Variants in AGTPBP1 observed in about 807,000 individuals in gnomAD.
AGTPBP1 encodes ATP/GTP binding carboxypeptidase 1.
In AGTPBP1, 70 loss-of-function variants were observed where a neutral mutation model predicts 143.9. The observed-to-expected ratio is 0.49, with a 90% confidence interval of 0.40 to 0.59. The LOEUF is 0.59. AGTPBP1 is among the 20% of genes least tolerant of loss of function. AGTPBP1 has a pLI of 0.00. For synonymous variants in AGTPBP1, 463 were observed against 500.2 expected (o/e 0.93, Z 0.99); for missense variants, 1,229 against 1,464.5 (o/e 0.84, Z 2.62).
chr9:85,789,055 A>AAT, the AGTPBP1 span, among the ~76,000 whole-genome samples: 1 of 151,836 alleles, frequency 6.6e-6, no homozygotes, highest in Non-Finnish European at 1.5e-5. Flanking sequence ...CTCACTAATA[A>AAT]AGCAAGAAAA....
chr9:85,636,304 C>T (rs1202859055), intron 13 of AGTPBP1, among the ~76,000 whole-genome samples: 1 of 146,004 alleles, frequency 6.8e-6, no homozygotes, highest in Non-Finnish European at 1.5e-5. Context: ...GCTCTGTCTC[C>T]AGGCTGGAGT....
At chr9:85,762,765 TTA>T in the AGTPBP1 span, among the ~76,000 whole-genome samples, 246 of 146,516 alleles carry the variant, frequency 1.7e-3, no homozygotes, top group African/African-American at 5.2e-3. Flanking sequence ...GAACTTAAAG[TTA>T]TATATATATA....
intron 1 of AGTPBP1, among the ~76,000 whole-genome samples, chr9:85,727,463 C>T (rs980560293): frequency 1.6e-4 from 25 of 152,290 alleles, no homozygotes; most frequent in African/African-American, 5.5e-4. Context: ...TATATAAAAA[C>T]CTGCTCATTC....
At chr9:85,800,758 T>C in the AGTPBP1 span, among the ~76,000 whole-genome samples, 1 of 151,856 alleles carries the variant, frequency 6.6e-6, no homozygotes, top group African/African-American at 2.4e-5. Flanking sequence ...GATAATAGAA[T>C]AACCATACCT....
At chr9:85,702,978 A>G (rs1190792181) in intron 2 of AGTPBP1, among the ~76,000 whole-genome samples, 2 of 152,176 alleles carry the variant, frequency 1.3e-5, no homozygotes, top group Non-Finnish European at 2.9e-5. Context: ...CTGTTGCAAA[A>G]CAATTTAGGG....
chr9:85,784,485 G>T, the AGTPBP1 span, among the ~76,000 whole-genome samples: 1 of 152,010 alleles, frequency 6.6e-6, no homozygotes, highest in African/African-American at 2.4e-5. Context: ...ATGGCTCACT[G>T]CAGCCTCAAA....
intron 14 of AGTPBP1, among the ~76,000 whole-genome samples, chr9:85,622,844 T>C (rs1416863306): frequency 6.6e-6 from 1 of 152,200 alleles, no homozygotes; most frequent in Non-Finnish European, 1.5e-5. Context: ...ACTCAAAATA[T>C]ACCACATCAA....
chr9:85,712,190 A>G (rs1438699789), intron 2 of AGTPBP1, among the ~76,000 whole-genome samples: 1 of 152,000 alleles, frequency 6.6e-6, no homozygotes, highest in African/African-American at 2.4e-5. Context: ...ACTTGAACCC[A>G]GAGGCAGAGG....
At chr9:85,805,045 G>A in the AGTPBP1 span, among the ~76,000 whole-genome samples, 1 of 152,304 alleles carries the variant, frequency 6.6e-6, no homozygotes, top group East Asian at 1.9e-4. Context: ...ACCCGCTTGA[G>A]GAGAGCCCTT....
the AGTPBP1 span, among the ~76,000 whole-genome samples, chr9:85,777,600 G>T: frequency 6.6e-6 from 1 of 152,190 alleles, no homozygotes; most frequent in Non-Finnish European, 1.5e-5. Flanking sequence ...ATATCCACTT[G>T]ATTATTAAAA....
At chr9:85,721,706 T>C (rs1224945466) in intron 1 of AGTPBP1, among the ~76,000 whole-genome samples, 5 of 152,212 alleles carry the variant, frequency 3.3e-5, no homozygotes, top group Non-Finnish European at 7.3e-5. Context: ...AATTTAATCC[T>C]GTCATTATGA....
At chr9:85,645,255 T>C (rs1386760793) in intron 12 of AGTPBP1, among the ~76,000 whole-genome samples, 2 of 152,284 alleles carry the variant, frequency 1.3e-5, no homozygotes, top group East Asian at 3.9e-4. Flanking sequence ...TCTGTTAAGA[T>C]AAAGTAGGGA....
intron 13 of AGTPBP1, among the ~76,000 whole-genome samples, chr9:85,638,363 A>G (rs1832223990): frequency 6.6e-6 from 1 of 152,108 alleles, no homozygotes; most frequent in South Asian, 2.1e-4. Context: ...TAAAATAAAA[A>G]AAAGACTGTA....
rs1398596566 is a variant in AGTPBP1 at position 85,607,980 on chromosome 9, C to T, written c.2335+11003G>A. Among the ~76,000 whole-genome samples the T allele has an allele frequency of 5.3e-5, 8 of 152,204 alleles. No individual in the cohort carries two copies. In the South Asian group the frequency reaches 1.7e-3, roughly 31 times the overall value. On this transcript the variant is annotated intron_variant, in intron 17 of 25. Transcript: ENST00000357081. ...TTCAGATTCAGGTGGCTGCCATTAT[C>T]CTCCAGTCTCAGAATTTGATTTTTC...
intron 8 of AGTPBP1, among the ~76,000 whole-genome samples, chr9:85,669,014 T>TAC (rs139321417): frequency 0.59 from 71,256 of 120,086 alleles, 22,350 homozygotes; most frequent in Non-Finnish European, 0.7. Context: ...TGTGTATACA[T>TAC]ACACACACAC....
At chr9:85,603,802 C>A (rs1029556264) in intron 17 of AGTPBP1, among the ~76,000 whole-genome samples, 1 of 152,092 alleles carries the variant, frequency 6.6e-6, no homozygotes, top group Admixed American at 6.5e-5. Context: ...CACAAGCTGA[C>A]TGAAGAGACC....
At chr9:85,764,926 G>A in the AGTPBP1 span, 1 of 1,015,352 alleles carries the variant, frequency 9.8e-7, no homozygotes, top group Non-Finnish European at 1.6e-6. Context: ...ATCACCTGAA[G>A]TAAGTCAGTA....
the AGTPBP1 span, among the ~76,000 whole-genome samples, chr9:85,800,804 T>TG: frequency 1.9e-5 from 2 of 105,560 alleles, no homozygotes; most frequent in South Asian, 3.9e-4. Context: ...GTCTTTAGAA[T>TG]GGTTGTGTGT....
intron 13 of AGTPBP1, among the ~76,000 whole-genome samples, chr9:85,638,131 G>A (rs183869919): frequency 6.6e-6 from 1 of 151,800 alleles, no homozygotes; most frequent in Admixed American, 6.6e-5. Flanking sequence ...AAAAAAAAGT[G>A]TGTATATATA....
Sources: allele counts gnomAD v4.1 joint callset (sites outside exome capture counted in the v4.1 genomes callset), GRCh38; gene constraint gnomAD v4.1.1; transcripts MANE v1.5; gene names NCBI Gene and HGNC (gene_info 2026-07-23, HGNC 2026-07-21).